The following DIAPH2 variants were observed in gnomAD, a reference collection of about 807,000 sequenced individuals.
DIAPH2 encodes protein diaphanous homolog 2.
A neutral mutation model predicts 92.7 loss-of-function variants in DIAPH2; 35 were observed. The observed-to-expected ratio is 0.38, with a 90% confidence interval of 0.29 to 0.50. DIAPH2 has a LOEUF of 0.50. DIAPH2 is among the 20% of genes least tolerant of loss of function. The pLI, the probability that DIAPH2 is intolerant of heterozygous loss-of-function variation, is 0.94. For missense variants in DIAPH2, 701 were observed against 819.5 expected (o/e 0.86, Z 1.77); for synonymous variants, 301 against 280.4 (o/e 1.07, Z -0.73).
chrX:96,988,093 A>G lies in DIAPH2; in HGVS notation c.2050+22886A>G, dbSNP rs770706644. Among the ~76,000 whole-genome samples, 399 of 109,910 alleles carry G rather than the reference A, an allele frequency of 3.6e-3. 1 individual carries two copies. Among genetic ancestry groups the G allele is most frequent in the African/African-American group, 0.012 (378 of 30,425 alleles). On this transcript the variant is annotated intron_variant, in intron 17 of 26. Coordinates refer to ENST00000324765, the MANE Select transcript of DIAPH2 (RefSeq NM_006729.5). ...TACATTCTTATATTTAGAAATATAT[A>G]TATATATTGAGGATCTGCTCTGTGC...
rs188508690 is a variant in DIAPH2, at chrX:96,700,191, T to C, written c.132+15001T>C. On this transcript the variant is annotated intron_variant, in intron 1 of 26. Coordinates refer to ENST00000324765, the MANE Select transcript of DIAPH2 (RefSeq NM_006729.5). ...GCTCAGCTAATTTTTGTATTTTTCATAGAGATGTGGTTTCGCCATGTTGCC... is the reference window on the plus strand; with the variant it reads ...GCTCAGCTAATTTTTGTATTTTTCACAGAGATGTGGTTTCGCCATGTTGCC... Among the ~76,000 whole-genome samples, 320 of 111,587 alleles carry C rather than the reference T, an allele frequency of 2.9e-3. 3 individuals are homozygous for C. Among genetic ancestry groups the C allele is most frequent in the South Asian group, 0.017 (44 of 2,639 alleles).
At chrX:97,412,603 A>G (rs368275450) in intron 25 of DIAPH2, among the ~76,000 whole-genome samples, 26 of 111,914 alleles carry the variant, frequency 2.3e-4, no homozygotes, top group Middle Eastern at 4.2e-3. Flanking sequence ...CAAAAAATCA[A>G]TGAATCCAGG....
intron 26 of DIAPH2, among the ~76,000 whole-genome samples, chrX:97,465,004 C>T (rs531199302): frequency 9.0e-6 from 1 of 110,775 alleles, no homozygotes; most frequent in Admixed American, 9.6e-5. Context: ...TGCACCACCA[C>T]GCCTGGCTAA....
intron 19 of DIAPH2, among the ~76,000 whole-genome samples, chrX:97,080,257 C>T (rs1046136099): frequency 2.8e-5 from 3 of 107,823 alleles, no homozygotes; most frequent in Non-Finnish European, 3.8e-5. Flanking sequence ...TTCCTTCCCT[C>T]CCTTCCTCCT....
At chrX:97,596,307 C>T (rs1476090920) in intron 26 of DIAPH2, among the ~76,000 whole-genome samples, 2 of 111,814 alleles carry the variant, frequency 1.8e-5, no homozygotes, top group African/African-American at 6.5e-5. Context: ...ACAATGTCCC[C>T]AACAAGCATA....
intron 26 of DIAPH2, among the ~76,000 whole-genome samples, chrX:97,508,557 C>A (rs2070853942): frequency 1.8e-5 from 2 of 111,953 alleles, no homozygotes; most frequent in Admixed American, 1.9e-4. Flanking sequence ...AGAGTTATGC[C>A]AGCAAACCTA....
At chrX:96,860,440 T>A (rs890873648) in intron 4 of DIAPH2, among the ~76,000 whole-genome samples, 2 of 112,010 alleles carry the variant, frequency 1.8e-5, no homozygotes, top group East Asian at 5.6e-4. Context: ...TCATTTTCCA[T>A]CTTTTCAATT....
intron 16 of DIAPH2, among the ~76,000 whole-genome samples, chrX:96,959,204 A>G (rs965430461): frequency 1.8e-5 from 2 of 111,622 alleles, no homozygotes; most frequent in Admixed American, 9.5e-5. Flanking sequence ...AGAAATCTTT[A>G]TAGTGTTTTC....
intron 23 of DIAPH2, among the ~76,000 whole-genome samples, chrX:97,301,715 C>A (rs750366490): frequency 1.8e-5 from 2 of 111,615 alleles, no homozygotes; most frequent in South Asian, 7.5e-4. Context: ...GCTGATACGA[C>A]CAGTGCCAGC....
At chrX:96,850,289 A>G (rs2064999124) in intron 4 of DIAPH2, among the ~76,000 whole-genome samples, 1 of 112,169 alleles carries the variant, frequency 8.9e-6, no homozygotes, top group Non-Finnish European at 1.9e-5. Context: ...AACTGGCTAG[A>G]TGATGATGAT....
intron 22 of DIAPH2, among the ~76,000 whole-genome samples, chrX:97,156,079 A>G (rs2067320639): frequency 8.9e-6 from 1 of 112,283 alleles, no homozygotes; most frequent in Non-Finnish European, 1.9e-5. Flanking sequence ...ACAGTTAGCA[A>G]TGATGTTAGA....
At chrX:96,782,325 T>C (rs1244330305) in intron 4 of DIAPH2, among the ~76,000 whole-genome samples, 1 of 110,804 alleles carries the variant, frequency 9.0e-6, no homozygotes, top group African/African-American at 3.3e-5. Context: ...GGAGTCTCGC[T>C]CTGTCACCCA....
intron 19 of DIAPH2, among the ~76,000 whole-genome samples, chrX:97,097,769 T>C (rs1302376455): frequency 9.0e-6 from 1 of 111,685 alleles, no homozygotes; most frequent in Non-Finnish European, 1.9e-5. Flanking sequence ...ATAACATACA[T>C]ACTTCACACA....
intron 20 of DIAPH2, among the ~76,000 whole-genome samples, chrX:97,106,669 C>G (rs1243501150): frequency 9.0e-6 from 1 of 111,226 alleles, no homozygotes; most frequent in Non-Finnish European, 1.9e-5. Flanking sequence ...CATGGTGGCT[C>G]ATGCCTGTAA....
intron 26 of DIAPH2, among the ~76,000 whole-genome samples, chrX:97,537,503 T>C (rs1046741104): frequency 3.6e-5 from 4 of 111,944 alleles, no homozygotes; most frequent in African/African-American, 1.3e-4. Context: ...TCTAAGATAG[T>C]TCCGAATGAT....
chrX:97,441,816 AAAAT>A (rs1258822913), intron 26 of DIAPH2, among the ~76,000 whole-genome samples: 4 of 113,068 alleles, frequency 3.5e-5, no homozygotes, highest in Non-Finnish European at 5.6e-5. Flanking sequence ...CCGTCTCAAA[AAAAT>A]AAATAAATAA....
At chrX:97,274,006 G>GGTGTGTGTGTGTGTGT (rs55778849) in intron 23 of DIAPH2, among the ~76,000 whole-genome samples, 1 of 86,733 alleles carries the variant, frequency 1.2e-5, no homozygotes, top group African/African-American at 4.3e-5. Context: ...TAAAACTAGC[G>GGTGTGTGTGTGTGTGT]GTGTGTGTGT....
rs945563614 is a variant in DIAPH2 at position 97,456,281 on chromosome X, C to A, written c.3241+26536C>A. ...GGGCGCCTGTAGTCCCAGCTACTCG[C>A]AAGGCTGAGGCAGGAGAGTGGCGTG... On this transcript the variant is annotated intron_variant, in intron 26 of 26. Transcript: ENST00000324765. Among the ~76,000 whole-genome samples the A allele has an allele frequency of 4.5e-5, 5 of 110,070 alleles. No homozygotes were observed. The South Asian group carries it at 1.6e-3, about 35-fold the overall frequency.
Position 96,899,334 on chromosome X carries a change from C to T in DIAPH2, c.588-12994C>T, listed in dbSNP as rs749964320. ...ACCTTGGGCAGTATGGCCATTTTCA[C>T]GATACTGATTCTTCCTACCCATGAG... On this transcript the variant is annotated intron_variant, in intron 5 of 26. Transcript: ENST00000324765. Among the ~76,000 whole-genome samples the T allele has an allele frequency of 2.0e-4, 22 of 110,224 alleles. 1 individual carries two copies. The highest frequency in any genetic ancestry group is 1.9e-3 in the Admixed American group (20 of 10,373).
Sources: gnomAD v4.1 joint callset for allele counts (sites outside exome capture counted in the v4.1 genomes callset) on GRCh38, gnomAD v4.1.1 for gene constraint, MANE v1.5 for transcripts, NCBI Gene and HGNC (gene_info 2026-07-23, HGNC 2026-07-21) for gene names.